The following SETBP1 variants were observed in gnomAD, a reference collection of about 807,000 sequenced individuals.
SETBP1 encodes SET binding protein 1.
SETBP1 carries 9 observed loss-of-function variants against 101.0 expected under a neutral mutation model. The observed-to-expected ratio is 0.09, with a 90% CI of 0.05 to 0.16. The LOEUF is 0.16. SETBP1 is among the 10% of genes least tolerant of loss of function. The pLI is 1.00. For synonymous variants in SETBP1, 818 were observed against 788.5 expected, an observed-to-expected ratio of 1.04 and a Z score of -0.63; for missense variants, 1,858 against 2,033.8, an observed-to-expected ratio of 0.91 and a Z score of 1.66.
chr18:44,887,627 C>T (rs1221553954), intron 3 of SETBP1, among the ~76,000 whole-genome samples: 1 of 152,124 alleles, frequency 6.6e-6, no homozygotes, highest in African/African-American at 2.4e-5. Flanking sequence ...CTGTAGTGTG[C>T]ACAGGCTCAG....
rs144650011 is a variant in SETBP1, at chr18:44,737,815, T to C, written c.486+35983T>C. On this transcript the variant is annotated intron_variant, in intron 2 of 5. Coordinates refer to ENST00000649279, the MANE Select transcript of SETBP1 (RefSeq NM_015559.3). ...GTTGTGTTGGGCCTTTCCAACCCGATTGAGTAACTTTCAGCTGATTTGGAA... is the reference window on the plus strand; with the variant it reads ...GTTGTGTTGGGCCTTTCCAACCCGACTGAGTAACTTTCAGCTGATTTGGAA... Among the ~76,000 whole-genome samples, 6 of 152,286 alleles carry C rather than the reference T, an allele frequency of 3.9e-5. No homozygotes were observed. In the East Asian group the frequency reaches 7.7e-4, roughly 20 times the overall value.
chr18:45,064,766 G>A lies in SETBP1; in HGVS notation c.*1068G>A, dbSNP rs886053801. The A allele has an allele frequency of 1.3e-5, 2 of 149,396 alleles. No individual in the cohort carries two copies. Among genetic ancestry groups the A allele is most frequent in the African/African-American group, 2.5e-5 (1 of 40,348 alleles). The allele number at this position is 149,396 out of a possible 1,614,324, so 9.3% of individuals were successfully genotyped here. A position where few individuals can be genotyped will look rare whatever the true frequency, so the allele number is the denominator to read the frequency against. ...AAAGACAAGTGTCTAGCAATGCCTT[G>A]GTACCTGATCTTTTTCATTCAAATA... On this transcript the variant is annotated 3_prime_UTR_variant, in exon 6 of 6. Transcript: ENST00000649279.
intron 2 of SETBP1, among the ~76,000 whole-genome samples, chr18:44,794,335 T>C (rs930962429): frequency 6.6e-6 from 1 of 152,184 alleles, no homozygotes; most frequent in African/African-American, 2.4e-5. Context: ...TATTTAGTTG[T>C]CCTAGAGATA....
At chr18:44,915,410 C>T (rs539352762) in intron 3 of SETBP1, among the ~76,000 whole-genome samples, 1 of 152,160 alleles carries the variant, frequency 6.6e-6, no homozygotes, top group Non-Finnish European at 1.5e-5. Context: ...AATAAGTATA[C>T]ACAGGGCACT....
intron 1 of SETBP1, among the ~76,000 whole-genome samples, chr18:44,694,863 A>C (rs145161034): frequency 6.6e-6 from 1 of 152,236 alleles, no homozygotes; most frequent in Non-Finnish European, 1.5e-5. Flanking sequence ...GCAACATTAG[A>C]GTTTCAGAAA....
chr18:44,794,625 G>T (rs1400783478), intron 2 of SETBP1, among the ~76,000 whole-genome samples: 2 of 152,140 alleles, frequency 1.3e-5, no homozygotes, highest in East Asian at 3.9e-4. Context: ...GTCACAAAGG[G>T]TTGCAATGAC....
chr18:45,034,182 G>A (rs920028031), intron 4 of SETBP1, among the ~76,000 whole-genome samples: 8 of 152,088 alleles, frequency 5.3e-5, no homozygotes, highest in Non-Finnish European at 8.8e-5. Flanking sequence ...CTACTACTTC[G>A]GAAGAAACAG....
intron 4 of SETBP1, among the ~76,000 whole-genome samples, chr18:45,024,725 G>T (rs1037292674): frequency 6.6e-6 from 1 of 152,194 alleles, no homozygotes; most frequent in Non-Finnish European, 1.5e-5. Flanking sequence ...GACTTACTTT[G>T]GACCACTCTG....
chr18:44,975,794 A>G (rs2071972552), intron 4 of SETBP1, among the ~76,000 whole-genome samples: 1 of 152,172 alleles, frequency 6.6e-6, no homozygotes, highest in African/African-American at 2.4e-5. Flanking sequence ...TTAAGCTATC[A>G]AAGAATACTA....
intron 3 of SETBP1, among the ~76,000 whole-genome samples, chr18:44,904,058 T>C (rs1451901198): frequency 6.6e-6 from 1 of 152,200 alleles, no homozygotes; most frequent in East Asian, 1.9e-4. Flanking sequence ...AGGCAACTCA[T>C]ACATATTTGC....
At chr18:44,832,139 TGA>T (rs2072385546) in intron 2 of SETBP1, among the ~76,000 whole-genome samples, 1 of 152,234 alleles carries the variant, frequency 6.6e-6, no homozygotes, top group South Asian at 2.1e-4. Flanking sequence ...CCCTTTTTTA[TGA>T]TTTTTGACTG....
intron 3 of SETBP1, among the ~76,000 whole-genome samples, chr18:44,875,656 CAT>C (rs1156752528): frequency 1.3e-5 from 2 of 151,596 alleles, no homozygotes; most frequent in Admixed American, 1.3e-4. Flanking sequence ...GCTCAATACA[CAT>C]ATACCAAGGA....
At chr18:44,763,192 G>C (rs1388658121) in intron 2 of SETBP1, among the ~76,000 whole-genome samples, 1 of 152,200 alleles carries the variant, frequency 6.6e-6, no homozygotes, top group Non-Finnish European at 1.5e-5. Flanking sequence ...TCCAGGTGTT[G>C]AGGGAACAAT....
At chr18:44,827,567 GC>G (rs1159865669) in intron 2 of SETBP1, among the ~76,000 whole-genome samples, 2 of 152,122 alleles carry the variant, frequency 1.3e-5, no homozygotes, top group East Asian at 3.9e-4. Context: ...TTTGTGGTTT[GC>G]CCCTATGCTA....
At chr18:44,904,261 A>C (rs944876863) in intron 3 of SETBP1, among the ~76,000 whole-genome samples, 1 of 152,212 alleles carries the variant, frequency 6.6e-6, no homozygotes. Context: ...GTTTATGCAT[A>C]AGATTTCTAG....
intron 2 of SETBP1, among the ~76,000 whole-genome samples, chr18:44,861,685 A>G (rs762607596): frequency 8.5e-5 from 13 of 152,180 alleles, no homozygotes; most frequent in Non-Finnish European, 1.3e-4. Context: ...AATGAACCCC[A>G]GAGACTACTT....
intron 2 of SETBP1, among the ~76,000 whole-genome samples, chr18:44,847,229 G>A (rs1477515252): frequency 2.6e-5 from 4 of 152,208 alleles, no homozygotes; most frequent in Non-Finnish European, 1.5e-5. Context: ...TCCAATTCTT[G>A]CTTCTTCACT....
intron 3 of SETBP1, among the ~76,000 whole-genome samples, chr18:44,932,639 T>C (rs1040205288): frequency 5.9e-5 from 9 of 152,222 alleles, no homozygotes; most frequent in Admixed American, 6.5e-5. Context: ...TGTTCATTTC[T>C]TTTTACTCTT....
intron 3 of SETBP1, chr18:44,870,392 G>A (rs1318726479): frequency 1.3e-5 from 2 of 152,188 alleles, no homozygotes; most frequent in Admixed American, 6.5e-5. Context: ...TGGGAGGCTA[G>A]AGGAAGAGAA....
Sources: allele counts gnomAD v4.1 joint callset (sites outside exome capture counted in the v4.1 genomes callset), GRCh38; gene constraint gnomAD v4.1.1; transcripts MANE v1.5; gene names NCBI Gene and HGNC (gene_info 2026-07-23, HGNC 2026-07-21).